The following FYB1 variants were observed in gnomAD, a reference collection of about 807,000 sequenced individuals.
The protein encoded by FYB1 is FYN-binding protein 1.
FYB1 carries 41 observed loss-of-function variants against 94.1 expected under a neutral mutation model. The observed-to-expected ratio is 0.44, with a 90% CI of 0.34 to 0.57. FYB1 has a LOEUF of 0.57. Ranked by LOEUF, FYB1 falls within the 20% of genes least tolerant of loss-of-function variation. The pLI is 0.02. For synonymous variants in FYB1, 367 were observed against 353.2 expected (o/e 1.04, Z -0.44); for missense variants, 1,050 against 976.8 (o/e 1.07, Z -1.00).
intron 16 of FYB1, among the ~76,000 whole-genome samples, chr5:39,111,029 A>G (rs1352835851): frequency 3.9e-5 from 6 of 151,988 alleles, no homozygotes; most frequent in Non-Finnish European, 8.8e-5. Context: ...AGCACATACT[A>G]TGGATTCTAT....
intron 1 of FYB1, among the ~76,000 whole-genome samples, chr5:39,272,670 C>CAA (rs1195291951): frequency 1.3e-3 from 92 of 70,670 alleles, no homozygotes; most frequent in African/African-American, 1.9e-3. Context: ...AGACTCATCT[C>CAA]AAAAAAAAAA....
At position 39,139,048 on chromosome 5, in the gene FYB1, A is replaced by G. The variant is rs1741912396; in HGVS notation, c.1359+185T>C. ...TGTTCAGCACTACAGCATTATAATG[A>G]GTCAGTGTGATGACTAGTGTGTAAC... On this transcript the variant is annotated intron_variant, in intron 5 of 18. Coordinates refer to ENST00000512982, the MANE Select transcript of FYB1 (RefSeq NM_001465.6). 8.0e-6 allele frequency: 5 copies of G among 621,192 alleles called. No individual in the cohort carries two copies. The East Asian group carries it at 1.5e-4, about 19-fold the overall frequency. 38.5% of individuals were successfully genotyped at this position (621,192 alleles called of 1,614,324 possible).
At chr5:39,270,499 A>G in intron 1 of FYB1, 4 of 1,428,228 alleles carry the variant, frequency 2.8e-6, no homozygotes, top group Non-Finnish European at 3.8e-6. Context: ...CTCAACTCTG[A>G]CTGTTCTATG....
chr5:39,114,409 T>C (rs537895696), intron 16 of FYB1, among the ~76,000 whole-genome samples: 53 of 152,334 alleles, frequency 3.5e-4, no homozygotes, highest in African/African-American at 1.2e-3. Flanking sequence ...AAGTGGCTGA[T>C]GTCCCACTGC....
intron 9 of FYB1, among the ~76,000 whole-genome samples, chr5:39,133,125 A>G (rs573946097): frequency 6.6e-6 from 1 of 152,374 alleles, no homozygotes; most frequent in African/African-American, 2.4e-5. Context: ...AAAAGATCAT[A>G]AGAGGAAAAT....
chr5:39,206,448 TTCTC>T (rs1748865800), intron 1 of FYB1, among the ~76,000 whole-genome samples: 4 of 152,330 alleles, frequency 2.6e-5, no homozygotes, highest in African/African-American at 9.6e-5. Context: ...AAAATGGACA[TTCTC>T]TCATTCTGAT....
intron 2 of FYB1, among the ~76,000 whole-genome samples, chr5:39,168,973 C>T (rs1281487325): frequency 6.6e-6 from 1 of 152,050 alleles, no homozygotes; most frequent in African/African-American, 2.4e-5. Context: ...GACCACTGAA[C>T]TCAGAAAAAG....
intron 2 of FYB1, among the ~76,000 whole-genome samples, chr5:39,158,291 G>A (rs10052600): frequency 0.037 from 5,594 of 152,302 alleles, 332 homozygotes; most frequent in African/African-American, 0.13. Flanking sequence ...GCGGAGCACC[G>A]GGGCCATTTT....
chr5:39,117,722 T>A (rs1407298632), intron 16 of FYB1, among the ~76,000 whole-genome samples: 1 of 152,070 alleles, frequency 6.6e-6, no homozygotes, highest in Non-Finnish European at 1.5e-5. Context: ...AAACTTAGAG[T>A]CCATGTTTTC....
intron 2 of FYB1, among the ~76,000 whole-genome samples, chr5:39,188,145 C>G (rs370218148): frequency 6.6e-6 from 1 of 152,224 alleles, no homozygotes; most frequent in South Asian, 2.1e-4. Context: ...CCCTCAGGAA[C>G]CCTTGGACCT....
At position 39,110,404 on chromosome 5, in the gene FYB1, G is replaced by T. The variant is rs1346559793; in HGVS notation, c.2402-15C>A. 6.4e-7 allele frequency: 1 copy of T among 1,571,880 alleles called. No individual in the cohort carries two copies. The highest frequency in any genetic ancestry group is 1.2e-5 in the South Asian group (1 of 85,624). ...GACATAACCATCTACGAAGGAAAAA[G>T]GAAATAAATTGTATCAATAATACAG... On this transcript the variant is annotated splice_polypyrimidine_tract_variant and intron_variant, in intron 16 of 18. Transcript: ENST00000512982.
intron 1 of FYB1, 59 bp from the exon 2 acceptor site, chr5:39,203,046 A>G (rs1249766102): frequency 1.3e-5 from 19 of 1,462,774 alleles, no homozygotes; most frequent in Non-Finnish European, 1.7e-5. Context: ...GCACAGTTTA[A>G]AATACTATAC....
chr5:39,264,836 T>A (rs906792608), intron 1 of FYB1, among the ~76,000 whole-genome samples: 2 of 152,142 alleles, frequency 1.3e-5, no homozygotes, highest in Admixed American at 1.3e-4. Context: ...CATCCCCTCA[T>A]CAGAGACCAG....
Position 39,123,082 on chromosome 5 carries a change from G to A in FYB1, c.2072-680C>T, listed in dbSNP as rs1740280337. On this transcript the variant is annotated intron_variant, in intron 13 of 18. Transcript: ENST00000512982. ...TCTAGACTTCTTACTAATAAAGTCAGGAATAATGCTTCCTCCCTGCACATA... is the reference window on the plus strand; with the variant it reads ...TCTAGACTTCTTACTAATAAAGTCAAGAATAATGCTTCCTCCCTGCACATA... Among the ~76,000 whole-genome samples, 3 of 152,098 alleles carry A rather than the reference G, an allele frequency of 2.0e-5. No individual in the cohort carries two copies. In the South Asian group the frequency reaches 6.2e-4, roughly 32 times the overall value.
At chr5:39,143,034 T>C (rs1742323011) in intron 3 of FYB1, among the ~76,000 whole-genome samples, 1 of 152,218 alleles carries the variant, frequency 6.6e-6, no homozygotes, top group South Asian at 2.1e-4. Flanking sequence ...GGTTCTCTTC[T>C]TCTTTTTTCA....
intron 18 of FYB1, among the ~76,000 whole-genome samples, chr5:39,107,765 T>C (rs1738660650): frequency 6.6e-6 from 1 of 151,984 alleles, no homozygotes; most frequent in East Asian, 1.9e-4. Context: ...GTTGAAGATA[T>C]TAAAGAGCAA....
At position 39,122,390 on chromosome 5, in the gene FYB1, T is replaced by G; in HGVS notation, c.2084A>C (p.Glu695Ala). 6.4e-7 allele frequency: 1 copy of G among 1,574,112 alleles called. No homozygotes were observed. The highest frequency in any genetic ancestry group is 8.7e-7 in the Non-Finnish European group (1 of 1,155,120). ...AGAGGTATCCACATCATCGTAAACT[T>G]CATCTCCCATGTCTAACAAAAGACA... ...APPKQLDMGD[E>A]VYDDVDTSDF... The change falls in exon 14 of 19, where the codon GAA becomes GCA. Residue 695 changes from glutamate (E) to alanine (A), a missense_variant. By Grantham distance (107) the Glu-to-Ala change is moderately radical (BLOSUM62 -1). Coordinates refer to ENST00000512982, the MANE Select transcript of FYB1 (RefSeq NM_001465.6).
In FYB1 at chr5:39,201,966, T is replaced by C. The variant is rs3749741; in HGVS notation, c.995A>G (p.Lys332Arg). ...VGGPWGQSQE[K>R]EKGDKNSATP... ...GGCTGAATTCTTGTCTCCCTTTTCC[T>C]TTTCCTGACTTTGGCCCCATGGCCC... The change falls in exon 2 of 19, where the codon AAG (lysine) becomes AGG (arginine). Residue 332 changes from lysine to arginine, a missense_variant. Lys to Arg is a conservative substitution (Grantham distance 26). Transcript: ENST00000512982. 1.5e-3 allele frequency: 2,376 copies of C among 1,613,980 alleles called. 40 individuals carry two copies. The Admixed American group carries it at 0.026, about 18-fold the overall frequency.
rs150063642 is a variant in FYB1 at position 39,167,070 on chromosome 5, G to A, written c.1136-13466C>T. Among the ~76,000 whole-genome samples, 531 of 152,188 alleles carry A rather than the reference G, an allele frequency of 3.5e-3. 5 individuals are homozygous for A. Among genetic ancestry groups the A allele is most frequent in the African/African-American group, 0.012 (503 of 41,542 alleles). On this transcript the variant is annotated intron_variant, in intron 2 of 18. Transcript: ENST00000512982. ...ATAAAGTTGGTGCAAAGGTAATTGC[G>A]GTTTTTGCCATTACTTTTGGTAAAA...
Sources: allele counts gnomAD v4.1 joint callset (sites outside exome capture counted in the v4.1 genomes callset), GRCh38; gene constraint gnomAD v4.1.1; transcripts MANE v1.5; gene names NCBI Gene and HGNC (gene_info 2026-07-23, HGNC 2026-07-21).